MTMR10: variants seen among roughly 807,000 people sequenced by gnomAD.
The protein encoded by MTMR10 is myotubularin-related protein 10.
Under a neutral mutation model 88.1 loss-of-function variants are expected in MTMR10, and 56 were observed. That is an observed-to-expected ratio of 0.64 (90% CI 0.51 to 0.79). MTMR10 has a LOEUF of 0.79. MTMR10 is among the 30% of genes least tolerant of loss of function. The pLI is 0.00. For missense variants in MTMR10, 883 were observed against 924.7 expected (o/e 0.95, Z 0.58); for synonymous variants, 380 against 340.9 (o/e 1.11, Z -1.26).
chr15:30,929,839 T>A, the MTMR10 span, among the ~76,000 whole-genome samples: 1 of 62,076 alleles, frequency 1.6e-5, no homozygotes, highest in Non-Finnish European at 2.6e-5. Context: ...TATAATATAA[T>A]ATATAAAATA....
At chr15:30,974,174 C>T (rs2029928177) in intron 5 of MTMR10, 140 bp downstream of exon 5, 2 of 814,820 alleles carry the variant, frequency 2.5e-6, no homozygotes, top group Non-Finnish European at 1.7e-6. Flanking sequence ...ATATTCTTGG[C>T]TTTGACTTTA....
rs1272441308 is a variant in MTMR10, at chr15:30,941,172, C to T, written c.*298G>A. On this transcript the variant is annotated 3_prime_UTR_variant, in exon 16 of 16. Coordinates refer to ENST00000435680, the MANE Select transcript of MTMR10 (RefSeq NM_017762.3). ...ATGTGACTGACTATCAGATAGCCTT[C>T]AGGAGGTGGTAGGAAAAATGGATGG... 3.2e-5 allele frequency: 43 copies of T among 1,326,334 alleles called. No individual in the cohort carries two copies. The highest frequency in any genetic ancestry group is 3.9e-5 in the Non-Finnish European group (40 of 1,014,064). The allele number at this position is 1,326,334 out of a possible 1,614,324, so 82.2% of individuals were successfully genotyped here.
At chr15:30,957,450 C>A (rs992762456) in intron 9 of MTMR10, among the ~76,000 whole-genome samples, 4 of 152,174 alleles carry the variant, frequency 2.6e-5, no homozygotes, top group Non-Finnish European at 5.9e-5. Flanking sequence ...GAGCCGGGTG[C>A]AGTGGCTCAC....
Position 30,941,797 on chromosome 15 carries a change from C to A in MTMR10, c.2007G>T (p.Gln669His), listed in dbSNP as rs758204139. 6 of 1,614,012 alleles carry A rather than the reference C, an allele frequency of 3.7e-6. No homozygotes were observed. Among genetic ancestry groups the A allele is most frequent in the Middle Eastern group, 1.6e-4 (1 of 6,062 alleles). ...CTGTGATGGAGCCACCCAGGCTGAT[C>A]TGGGCCTCGGGAACCCAGCGGAAGT... ...LCYFRWVPEA[Q>H]ISLGGSITAF... The change falls in exon 16 of 16, where the codon CAG becomes CAT. Residue 669 changes from glutamine (Q) to histidine (H), a missense_variant. Gln to His is a conservative substitution (Grantham distance 24, BLOSUM62 0). Coordinates refer to ENST00000435680, the MANE Select transcript of MTMR10 (RefSeq NM_017762.3).
Position 30,948,427 on chromosome 15 carries a change from G to C in MTMR10, c.1252C>G (p.Gln418Glu). Residue 418 changes from glutamine to glutamate, a missense_variant, in exon 13 of 16, where the codon CAA (glutamine) becomes GAA (glutamate). Around this residue, in one of 3 missense-constraint regions of MTMR10, gnomAD observed 126 missense variants for 178.2 expected, o/e 0.71. Coordinates refer to ENST00000435680, the MANE Select transcript of MTMR10 (RefSeq NM_017762.3). ...DLSCCVASLV[Q>E]VMLDPYFRTI... is the part of the protein sequence containing the mutation. ...CTAAAATAGGGATCCAGCATCACTT[G>C]AACAAGAGAAGCTACACAACAGCTC... The C allele has an allele frequency of 6.2e-7, 1 of 1,612,240 alleles. No individual in the cohort carries two copies. The highest frequency in any genetic ancestry group is 8.5e-7 in the Non-Finnish European group (1 of 1,178,976).
At chr15:30,948,893 C>T (rs994934216) in intron 12 of MTMR10, 3 of 169,042 alleles carry the variant, frequency 1.8e-5, no homozygotes, top group Non-Finnish European at 3.7e-5. Context: ...CTGTGGCAAA[C>T]GATTCCCTCC....
chr15:30,946,219 T>C (rs534614456), intron 14 of MTMR10: 1 of 152,566 alleles, frequency 6.6e-6, no homozygotes, highest in Non-Finnish European at 1.5e-5. Flanking sequence ...CTGACCAGTG[T>C]GTTTTGTCTT....
chr15:30,954,972 G>A, intron 9 of MTMR10, 79 bp from the exon 10 acceptor site: 9 of 1,260,640 alleles, frequency 7.1e-6, no homozygotes, highest in South Asian at 1.7e-5. Flanking sequence ...TAGACCAGGG[G>A]ATAGAGAGAG....
chr15:30,979,808 CAAA>C (rs1402902873), intron 2 of MTMR10, among the ~76,000 whole-genome samples: 1 of 152,166 alleles, frequency 6.6e-6, no homozygotes, highest in Non-Finnish European at 1.5e-5. Context: ...GAGAATGAGA[CAAA>C]GAAGAGGAGG....
the MTMR10 span, chr15:30,920,425 A>G: frequency 1.4e-6 from 1 of 692,422 alleles, no homozygotes; most frequent in Non-Finnish European, 2.5e-6. Context: ...TACACAACTG[A>G]AAGTATTTAG....
chr15:30,939,572 T>C lies in MTMR10; in HGVS notation c.*1898A>G, dbSNP rs904463825. 19 of 958,220 alleles carry C rather than the reference T, an allele frequency of 2.0e-5. No homozygotes were observed. The highest frequency in any genetic ancestry group is 2.2e-5 in the Non-Finnish European group (18 of 805,312). 59.4% of individuals were successfully genotyped at this position (958,220 alleles called of 1,614,324 possible). A position where few individuals can be genotyped will look rare whatever the true frequency, so the allele number is the denominator to read the frequency against. ...TACATTTGATTATCATACAAAAATA[T>C]GCATTTTTCTATTTTTAACCATTAT... On this transcript the variant is annotated 3_prime_UTR_variant, in exon 16 of 16. Transcript: ENST00000435680.
In MTMR10 at chr15:30,976,793, T is replaced by A. The variant is rs769887081; in HGVS notation, c.258+26A>T. ...ACTTAGAGTTGAAAGCCTGATAGAATGAAACAGTGTACTAATAAAACACAC... is the reference window on the plus strand; with the variant it reads ...ACTTAGAGTTGAAAGCCTGATAGAAAGAAACAGTGTACTAATAAAACACAC... On this transcript the variant is annotated intron_variant, in intron 3 of 15. Transcript: ENST00000435680. 3 of 1,600,090 alleles carry A rather than the reference T, an allele frequency of 1.9e-6. 1 individual carries two copies. In the South Asian group the frequency reaches 3.4e-5, roughly 18 times the overall value.
Position 30,940,871 on chromosome 15 carries a change from A to G in MTMR10, c.*599T>C, listed in dbSNP as rs980005123. Reference sequence around the variant, plus strand: ...GCAAATGCTTTAAAATTAACAGTGCATATCATTTTAAAGTTGACCCTATGA... The same window carrying G: ...GCAAATGCTTTAAAATTAACAGTGCGTATCATTTTAAAGTTGACCCTATGA... On this transcript the variant is annotated 3_prime_UTR_variant, in exon 16 of 16. Coordinates refer to ENST00000435680, the MANE Select transcript of MTMR10 (RefSeq NM_017762.3). 5 of 1,010,118 alleles carry G rather than the reference A, an allele frequency of 4.9e-6. No individual in the cohort carries two copies. The highest frequency in any genetic ancestry group is 5.9e-6 in the Non-Finnish European group (5 of 845,032). The allele number at this position is 1,010,118 out of a possible 1,614,324, so 62.6% of individuals were successfully genotyped here.
chr15:30,951,075 T>C (rs2949572), intron 12 of MTMR10, among the ~76,000 whole-genome samples: 104,741 of 152,012 alleles, frequency 0.69, 37,391 homozygotes, highest in East Asian at 0.87. Context: ...ACAAAGGACC[T>C]ACTACTGTAT....
the MTMR10 span, chr15:30,927,496 T>C: frequency 1.0e-6 from 1 of 985,700 alleles, no homozygotes; most frequent in Non-Finnish European, 1.2e-6. Flanking sequence ...GCCTCAGAAG[T>C]GCAGGACAGA....
At position 30,961,017 on chromosome 15, in the gene MTMR10, T is replaced by G. The variant is rs1449736075; in HGVS notation, c.622A>C (p.Asn208His). Residue 208 changes from asparagine (N) to histidine (H), a missense_variant, in exon 7 of 16, where the codon AAT becomes CAT. Transcript: ENST00000435680. ...TGGCTGCTGCCACCACCAGCTCCAT[T>G]ACCTCCTCCTCCTCCTCCTCCTCCA... ...GDGGGGGGGG[N>H]GAGGGSSQKT... 2.5e-6 allele frequency: 4 copies of G among 1,570,688 alleles called. No homozygotes were observed. Among genetic ancestry groups the G allele is most frequent in the Non-Finnish European group, 3.5e-6 (4 of 1,156,720 alleles).
At chr15:30,974,498 G>C (rs2029966557) in intron 4 of MTMR10, 42 bp from the exon 5 acceptor site, 1 of 1,438,842 alleles carries the variant, frequency 7.0e-7, no homozygotes, top group East Asian at 2.4e-5. Flanking sequence ...ATGCGTAACA[G>C]TTATTTGTTA....
At chr15:30,982,016 A>C (rs1243148556) in intron 2 of MTMR10, among the ~76,000 whole-genome samples, 1 of 151,838 alleles carries the variant, frequency 6.6e-6, no homozygotes, top group African/African-American at 2.4e-5. Context: ...GGTTGCGGTG[A>C]GCGGAGATCA....
chr15:30,946,928 TA>T, intron 14 of MTMR10: 1 of 697,884 alleles, frequency 1.4e-6, no homozygotes, highest in Non-Finnish European at 2.3e-6. Flanking sequence ...TACATTAGAG[TA>T]AAACAAAAAA....
Sources: gnomAD v4.1 joint callset for allele counts (sites outside exome capture counted in the v4.1 genomes callset) on GRCh38, gnomAD v4.1.1 for gene constraint, gnomAD v4.1.1 regional missense constraint, MANE v1.5 for transcripts, NCBI Gene and HGNC (gene_info 2026-07-23, HGNC 2026-07-21) for gene names.